BCL7C: variants seen among roughly 807,000 people sequenced by gnomAD.
BCL7C encodes the protein BAF chromatin remodeling complex subunit BCL7C, also known as B-cell CLL/lymphoma 7 protein family member C.
Under a neutral mutation model 26.2 loss-of-function variants are expected in BCL7C, and 8 were observed. The ratio of observed to expected loss-of-function variants is 0.30; its 90% CI spans 0.18 to 0.55. The LOEUF (loss-of-function observed/expected upper bound fraction) is 0.55. Ranked by LOEUF, BCL7C falls within the 20% of genes least tolerant of loss-of-function variation. The pLI is 0.93. For synonymous variants in BCL7C, 90 were observed against 116.5 expected (o/e 0.77, Z 1.47); for missense variants, 262 against 298.5 (o/e 0.88, Z 0.90).
chr16:30,893,612 G>C lies in BCL7C; in HGVS notation c.92+241C>G, dbSNP rs377732864. The stretch of plus-strand genomic sequence containing the variant: ...GCGCACCTGCAGGAGGGGTGTCAAA[G>C]CTTTAGGGGGCGGGGCACAAGAGGG... On this transcript the variant is annotated intron_variant, in intron 1 of 5. Coordinates refer to ENST00000215115, the MANE Select transcript of BCL7C (RefSeq NM_004765.4). This position sits in a 1 kb window ranked among gnomAD's most constrained non-coding sequence, Gnocchi z 5.2. Among the ~76,000 whole-genome samples, 18 of 152,166 alleles carry C rather than the reference G, an allele frequency of 1.2e-4. No homozygotes were observed. In the East Asian group the frequency reaches 1.7e-3, roughly 15 times the overall value.
Position 30,887,873 on chromosome 16 carries a change from CA to C in BCL7C, c.645del (p.Asp216ThrfsTer26), listed in dbSNP as rs751522437. 3 of 1,589,366 alleles carry C rather than the reference CA, an allele frequency of 1.9e-6. No homozygotes were observed. The Admixed American group carries it at 5.4e-5, about 28-fold the overall frequency. ...PPLKRICPNA[P>X]DP ...ACAGGCAGGCCGGCTTCTCAGGGGT[CA>C]GGGGCATTTGGGCAGATGCGCTTGA... On this transcript the variant is annotated frameshift_variant, in exon 6 of 6. Transcript: ENST00000215115. LOFTEE classifies it high-confidence loss of function.
chr16:30,833,805 C>T (rs1048236045), exon 6 of BCL7C: 17 of 152,168 alleles, frequency 1.1e-4, no homozygotes, highest in African/African-American at 4.1e-4. Flanking sequence ...GTGTAGAAAG[C>T]GTTTTCTGTA....
chr16:30,875,035 C>G (rs937319212), intron 5 of BCL7C, among the ~76,000 whole-genome samples: 4 of 152,348 alleles, frequency 2.6e-5, no homozygotes, highest in African/African-American at 7.2e-5. Context: ...GCCCTCCTTC[C>G]CGGCCTCATC....
intron 5 of BCL7C, chr16:30,852,303 T>C (rs1405838598): frequency 2.6e-5 from 4 of 152,236 alleles, no homozygotes; most frequent in African/African-American, 9.7e-5. Context: ...TTGCTTTTTG[T>C]CTAACATCAT....
At chr16:30,880,204 G>T (rs1400878921) in intron 5 of BCL7C, among the ~76,000 whole-genome samples, 1 of 151,030 alleles carries the variant, frequency 6.6e-6, no homozygotes, top group African/African-American at 2.4e-5. Context: ...CAACAAAAAG[G>T]CTGTGTGCAT....
intron 5 of BCL7C, among the ~76,000 whole-genome samples, chr16:30,850,593 G>GAT (rs2054667106): frequency 6.6e-6 from 1 of 152,012 alleles, no homozygotes; most frequent in African/African-American, 2.4e-5. Flanking sequence ...TACTGTAGGT[G>GAT]ATATATATAT....
intron 5 of BCL7C, among the ~76,000 whole-genome samples, chr16:30,866,417 A>C (rs1323348339): frequency 6.6e-6 from 1 of 152,054 alleles, no homozygotes; most frequent in Non-Finnish European, 1.5e-5. Context: ...TCTCTACTAA[A>C]AATACAAAAA....
At chr16:30,889,290 G>T (rs1005464402) in intron 4 of BCL7C, among the ~76,000 whole-genome samples, 5 of 152,178 alleles carry the variant, frequency 3.3e-5, no homozygotes, top group Non-Finnish European at 5.9e-5. Context: ...GTAAAATGGG[G>T]ATAATGATAG....
At chr16:30,859,311 G>A (rs902150177) in intron 5 of BCL7C, among the ~76,000 whole-genome samples, 1 of 152,190 alleles carries the variant, frequency 6.6e-6, no homozygotes, top group African/African-American at 2.4e-5. Flanking sequence ...TTTTGCAGAA[G>A]TGAGTAATGA....
intron 5 of BCL7C, among the ~76,000 whole-genome samples, chr16:30,837,627 C>T (rs1389230284): frequency 1.3e-5 from 2 of 152,146 alleles, no homozygotes; most frequent in African/African-American, 2.4e-5. Context: ...GGATTACAGG[C>T]GTGAGCCACT....
intron 3 of BCL7C, 33 bp downstream of exon 3, chr16:30,892,807 C>T: frequency 6.2e-7 from 1 of 1,613,904 alleles, no homozygotes; most frequent in South Asian, 1.1e-5. Context: ...CTTCAGTCCC[C>T]ACAGCCCCCC....
At chr16:30,885,510 TCTC>T (rs1265242430), downstream of BCL7C, among the ~76,000 whole-genome samples, 1 of 151,754 alleles carries the variant, frequency 6.6e-6, no homozygotes, top group East Asian at 1.9e-4. Flanking sequence ...TTCAAGCAGT[TCTC>T]CTGTCTCAGC....
downstream of BCL7C, among the ~76,000 whole-genome samples, chr16:30,883,342 A>T (rs914884780): frequency 2.0e-5 from 3 of 151,856 alleles, no homozygotes; most frequent in Non-Finnish European, 4.4e-5. Flanking sequence ...AGCTTTTTAA[A>T]TTTACCATGT....
At chr16:30,863,150 T>C (rs2054792871) in intron 5 of BCL7C, among the ~76,000 whole-genome samples, 1 of 152,128 alleles carries the variant, frequency 6.6e-6, no homozygotes, top group Non-Finnish European at 1.5e-5. Flanking sequence ...ATTTCCTTCT[T>C]TCCTGTTCCT....
chr16:30,889,298 T>C (rs542271190), intron 4 of BCL7C, among the ~76,000 whole-genome samples: 1 of 152,268 alleles, frequency 6.6e-6, no homozygotes, highest in Non-Finnish European at 1.5e-5. Context: ...GGGATAATGA[T>C]AGTAATTACC....
chr16:30,852,514 T>A (rs1036594729), intron 5 of BCL7C, among the ~76,000 whole-genome samples: 5 of 148,422 alleles, frequency 3.4e-5, no homozygotes, highest in Admixed American at 6.8e-5. Flanking sequence ...TTTTTTGAGA[T>A]GGAGTCCTGC....
At chr16:30,835,909 T>C (rs994976814) in intron 5 of BCL7C, among the ~76,000 whole-genome samples, 1 of 151,770 alleles carries the variant, frequency 6.6e-6, no homozygotes, top group Non-Finnish European at 1.5e-5. Flanking sequence ...CCCAGCACTT[T>C]GGGAGGGAGG....
At chr16:30,886,233 T>A (rs1433273244), downstream of BCL7C, among the ~76,000 whole-genome samples, 2 of 152,186 alleles carry the variant, frequency 1.3e-5, no homozygotes, top group African/African-American at 4.8e-5. Context: ...CCAATATACA[T>A]GACCCTATAG....
At chr16:30,838,801 A>C (rs979785119) in intron 5 of BCL7C, among the ~76,000 whole-genome samples, 1 of 152,006 alleles carries the variant, frequency 6.6e-6, no homozygotes, top group African/African-American at 2.4e-5. Flanking sequence ...ACAAACAAAC[A>C]AAAAAAACCC....
Sources: gnomAD v4.1 joint callset for allele counts (sites outside exome capture counted in the v4.1 genomes callset) on GRCh38, gnomAD v4.1.1 for gene constraint, Gnocchi (gnomAD v3.1) non-coding constraint, MANE v1.5 for transcripts, NCBI Gene and HGNC (gene_info 2026-07-23, HGNC 2026-07-21) for gene names.